TBL1XR1: variants seen among roughly 807,000 people sequenced by gnomAD.
The protein encoded by TBL1XR1 is F-box-like/WD repeat-containing protein TBL1XR1.
TBL1XR1 carries 5 observed loss-of-function variants against 66.9 expected under a neutral mutation model. The ratio of observed to expected loss-of-function variants is 0.07; its 90% CI spans 0.04 to 0.16. TBL1XR1 has a LOEUF of 0.16. Ranked by LOEUF, TBL1XR1 falls within the 10% of genes least tolerant of loss-of-function variation. The pLI, the probability that TBL1XR1 is intolerant of heterozygous loss-of-function variation, is 1.00. For missense variants in TBL1XR1, 238 were observed against 623.2 expected (o/e 0.38, Z 6.58); for synonymous variants, 210 against 206.0 (o/e 1.02, Z -0.17).
At chr3:177,122,411 G>C (rs1433865353) in intron 1 of TBL1XR1, among the ~76,000 whole-genome samples, 1 of 152,000 alleles carries the variant, frequency 6.6e-6, no homozygotes, top group Non-Finnish European at 1.5e-5. Context: ...GCATCAAGAA[G>C]TTCAGCATGT....
At chr3:177,065,780 C>T (rs922294508) in intron 2 of TBL1XR1, among the ~76,000 whole-genome samples, 5 of 152,206 alleles carry the variant, frequency 3.3e-5, no homozygotes, top group South Asian at 2.1e-4. Flanking sequence ...ATCAGCCATA[C>T]AGCCTGTTAC....
Position 177,116,824 on chromosome 3 carries a change from A to T in TBL1XR1, c.-121-18283T>A, listed in dbSNP as rs573949316. On this transcript the variant is annotated intron_variant, in intron 1 of 15. Coordinates refer to ENST00000457928, the MANE Select transcript of TBL1XR1 (RefSeq NM_024665.7). ...ACGTAATAGTACCTGGGAAATAAAA[A>T]GCACTTAATAAATGGTAGCTGTTGC... Among the ~76,000 whole-genome samples, 9 of 152,338 alleles carry T rather than the reference A, an allele frequency of 5.9e-5. No individual in the cohort carries two copies. The South Asian group carries it at 1.9e-3, about 32-fold the overall frequency.
At chr3:177,039,063 A>G (rs1715208189) in intron 10 of TBL1XR1, among the ~76,000 whole-genome samples, 1 of 152,236 alleles carries the variant, frequency 6.6e-6, no homozygotes, top group Non-Finnish European at 1.5e-5. Context: ...TACTTCATGC[A>G]CAAAACTAGT....
upstream of TBL1XR1, among the ~76,000 whole-genome samples, chr3:177,199,799 A>G (rs76922310): frequency 0.04 from 6,089 of 152,208 alleles, 747 homozygotes; most frequent in East Asian, 0.49. Flanking sequence ...TCACAATGAT[A>G]ATAATCCATG....
At chr3:177,027,556 GA>G (rs1713319110) in intron 14 of TBL1XR1, 1 of 152,174 alleles carries the variant, frequency 6.6e-6, no homozygotes, top group Non-Finnish European at 1.5e-5. Flanking sequence ...TGACAAATCA[GA>G]AAAGTGACCT....
chr3:177,077,252 T>C (rs948192131), intron 2 of TBL1XR1, among the ~76,000 whole-genome samples: 2 of 152,200 alleles, frequency 1.3e-5, no homozygotes, highest in African/African-American at 4.8e-5. Context: ...CTGCTTTTGG[T>C]AGTCTTATAA....
chr3:177,167,165 A>G (rs1475918748), intron 1 of TBL1XR1, among the ~76,000 whole-genome samples: 1 of 152,234 alleles, frequency 6.6e-6, no homozygotes, highest in Admixed American at 6.5e-5. Context: ...TTCTACACTA[A>G]AAAGAAATGA....
At chr3:177,115,750 A>G (rs1263678345) in intron 1 of TBL1XR1, among the ~76,000 whole-genome samples, 1 of 152,214 alleles carries the variant, frequency 6.6e-6, no homozygotes. Flanking sequence ...AAGAAGTAGT[A>G]ATGGGTTTCT....
At chr3:177,081,009 T>A (rs1577104227) in intron 2 of TBL1XR1, among the ~76,000 whole-genome samples, 1 of 152,246 alleles carries the variant, frequency 6.6e-6, no homozygotes, top group East Asian at 1.9e-4. Context: ...TTTTAAAGGA[T>A]GTAAAGATAT....
chr3:177,045,199 C>T (rs1053491593), intron 10 of TBL1XR1, among the ~76,000 whole-genome samples: 3 of 152,008 alleles, frequency 2.0e-5, no homozygotes, highest in Admixed American at 6.6e-5. Context: ...GCCACTGGCT[C>T]GCTGTTTGTA....
chr3:177,139,198 A>G (rs1023562074), intron 1 of TBL1XR1, among the ~76,000 whole-genome samples: 1 of 152,192 alleles, frequency 6.6e-6, no homozygotes, highest in African/African-American at 2.4e-5. Flanking sequence ...ACATTTAAGA[A>G]AAAAACAAAT....
At chr3:177,107,211 A>G (rs923347422) in intron 1 of TBL1XR1, among the ~76,000 whole-genome samples, 3 of 152,162 alleles carry the variant, frequency 2.0e-5, no homozygotes, top group African/African-American at 4.8e-5. Context: ...ATTAAACTAG[A>G]TATTAGGTTC....
intron 1 of TBL1XR1, among the ~76,000 whole-genome samples, chr3:177,182,040 T>C (rs1397882655): frequency 6.6e-6 from 1 of 152,128 alleles, no homozygotes; most frequent in African/African-American, 2.4e-5. Flanking sequence ...ATTCTGCAGA[T>C]GACAAAAACC....
upstream of TBL1XR1, among the ~76,000 whole-genome samples, chr3:177,201,134 C>T (rs4857825): frequency 0.04 from 6,036 of 150,406 alleles, 749 homozygotes; most frequent in East Asian, 0.5. Flanking sequence ...CTTGTTTTGC[C>T]GGGTGCAGTG....
intron 4 of TBL1XR1, 42 bp from the exon 5 acceptor site, chr3:177,051,768 T>A: frequency 6.9e-7 from 1 of 1,442,828 alleles, no homozygotes; most frequent in Non-Finnish European, 9.2e-7. Context: ...TCAAAGGCAA[T>A]ATTTAAAGTT....
At chr3:177,046,955 T>C (rs1460419353) in intron 9 of TBL1XR1, among the ~76,000 whole-genome samples, 1 of 152,166 alleles carries the variant, frequency 6.6e-6, no homozygotes, top group Non-Finnish European at 1.5e-5. Flanking sequence ...GGAGTTCGGC[T>C]AACAGACCAG....
At chr3:177,191,026 G>C (rs553002158) in intron 1 of TBL1XR1, among the ~76,000 whole-genome samples, 2 of 152,238 alleles carry the variant, frequency 1.3e-5, no homozygotes, top group African/African-American at 4.8e-5. Context: ...ACTGAAACTA[G>C]GCTATAAGAA....
intron 2 of TBL1XR1, among the ~76,000 whole-genome samples, chr3:177,080,492 A>G (rs1243856278): frequency 6.6e-6 from 1 of 152,218 alleles, no homozygotes; most frequent in African/African-American, 2.4e-5. Flanking sequence ...ACATGCAATA[A>G]AACAATAAGT....
intron 2 of TBL1XR1, among the ~76,000 whole-genome samples, 175 bp from the exon 3 acceptor site, chr3:177,065,197 C>A (rs1444844154): frequency 6.6e-6 from 1 of 151,944 alleles, no homozygotes; most frequent in Non-Finnish European, 1.5e-5. Flanking sequence ...ATTATACAAC[C>A]AAAACATGGC....
Sources: allele counts gnomAD v4.1 joint callset (sites outside exome capture counted in the v4.1 genomes callset), GRCh38; gene constraint gnomAD v4.1.1; transcripts MANE v1.5; gene names NCBI Gene and HGNC (gene_info 2026-07-23, HGNC 2026-07-21).